Variants in LARP1B observed in about 807,000 individuals in gnomAD.
LARP1B encodes la-related protein 1B.
A neutral mutation model predicts 114.2 loss-of-function variants in LARP1B; 76 were observed. The ratio of observed to expected loss-of-function variants is 0.67; its 90% CI spans 0.55 to 0.81. The LOEUF (loss-of-function observed/expected upper bound fraction) is 0.81. Ranked by LOEUF, LARP1B falls within the 30% of genes least tolerant of loss-of-function variation. LARP1B has a pLI of 0.00. For synonymous variants in LARP1B, 345 were observed against 348.0 expected (o/e 0.99, Z 0.10); for missense variants, 1,014 against 1,075.8 (o/e 0.94, Z 0.80).
chr4:128,156,264 C>T, intron 11 of LARP1B: 2 of 1,101,274 alleles, frequency 1.8e-6, no homozygotes, highest in East Asian at 2.4e-5. Flanking sequence ...CCCCTTCCCC[C>T]ACCAGTCCAG....
intron 6 of LARP1B, chr4:128,220,316 C>T (rs1379192985): frequency 7.1e-6 from 6 of 842,006 alleles, no homozygotes; most frequent in Non-Finnish European, 8.6e-6. Flanking sequence ...AATTTCTTGG[C>T]TTTTATGTAA....
At chr4:128,209,172 A>G (rs1318799896) in intron 19 of LARP1B, among the ~76,000 whole-genome samples, 1 of 152,184 alleles carries the variant, frequency 6.6e-6, no homozygotes, top group East Asian at 1.9e-4. Context: ...TAATCTCAGC[A>G]CTTTGGGAGG....
At chr4:128,096,133 A>G (rs1052850502) in intron 7 of LARP1B, among the ~76,000 whole-genome samples, 2 of 151,724 alleles carry the variant, frequency 1.3e-5, no homozygotes, top group South Asian at 4.1e-4. Flanking sequence ...AGCTGGCACT[A>G]CAGGCGCCCG....
intron 8 of LARP1B, among the ~76,000 whole-genome samples, chr4:128,100,088 T>A (rs1452592295): frequency 1.3e-5 from 2 of 151,550 alleles, no homozygotes; most frequent in Non-Finnish European, 2.9e-5. Context: ...GCCTCCCAAG[T>A]ATCTGGGATT....
At chr4:128,132,355 C>T (rs1052595245) in intron 11 of LARP1B, among the ~76,000 whole-genome samples, 5 of 152,186 alleles carry the variant, frequency 3.3e-5, no homozygotes, top group Non-Finnish European at 7.4e-5. Flanking sequence ...AGTGATTCTC[C>T]TGCCTCAGCC....
At chr4:128,102,705 G>C (rs1395526962) in intron 8 of LARP1B, among the ~76,000 whole-genome samples, 1 of 151,968 alleles carries the variant, frequency 6.6e-6, no homozygotes, top group Non-Finnish European at 1.5e-5. Context: ...ATTTGTTAGA[G>C]CAAATTGATC....
chr4:128,212,165 G>A (rs934854775), downstream of LARP1B, among the ~76,000 whole-genome samples: 7 of 151,720 alleles, frequency 4.6e-5, no homozygotes, highest in Non-Finnish European at 8.8e-5. Context: ...CACCTTCCTC[G>A]GCCTCCTAAA....
chr4:128,100,151 G>A (rs1176856548), intron 8 of LARP1B, among the ~76,000 whole-genome samples: 2 of 151,786 alleles, frequency 1.3e-5, no homozygotes, highest in South Asian at 2.1e-4. Flanking sequence ...TAATAGAGAC[G>A]AGATTTCACC....
At chr4:128,221,110 T>C (rs911099163) in intron 7 of LARP1B, among the ~76,000 whole-genome samples, 1 of 152,174 alleles carries the variant, frequency 6.6e-6, no homozygotes, top group African/African-American at 2.4e-5. Context: ...TCTGCAGTAA[T>C]GGAGGGTCTA....
chr4:128,212,201 C>T (rs147880647), downstream of LARP1B, among the ~76,000 whole-genome samples: 32 of 152,150 alleles, frequency 2.1e-4, no homozygotes, highest in East Asian at 6.0e-3. Context: ...GCATGATGAG[C>T]CACCGTGCCT....
At chr4:128,069,705 T>C (rs1449115567) in intron 1 of LARP1B, 4 of 357,554 alleles carry the variant, frequency 1.1e-5, no homozygotes, top group African/African-American at 2.1e-5. Flanking sequence ...TACTTGTATT[T>C]ATGGTTGTTT....
At chr4:128,189,084 G>A (rs1006372270) in intron 15 of LARP1B, among the ~76,000 whole-genome samples, 5 of 152,064 alleles carry the variant, frequency 3.3e-5, no homozygotes, top group African/African-American at 1.2e-4. Context: ...ATTATTGAGA[G>A]ATGGGTGTTG....
At chr4:128,086,234 T>C (rs927798371) in intron 5 of LARP1B, among the ~76,000 whole-genome samples, 1 of 152,138 alleles carries the variant, frequency 6.6e-6, no homozygotes, top group Non-Finnish European at 1.5e-5. Context: ...CTTGATCTCC[T>C]GACCTCATGA....
intron 4 of LARP1B, among the ~76,000 whole-genome samples, chr4:128,080,599 G>A (rs1210764700): frequency 6.6e-6 from 1 of 152,160 alleles, no homozygotes; most frequent in Non-Finnish European, 1.5e-5. Flanking sequence ...ATTGCCATGA[G>A]TCTTTATTTT....
At position 128,206,492 on chromosome 4, in the gene LARP1B, A is replaced by G. The variant is rs200140211; in HGVS notation, c.2374A>G (p.Ile792Val). ...YGLEKKFRREIFQDFQEETKK... is the reference protein window; with the variant it reads ...YGLEKKFRREVFQDFQEETKK... ...ACTGGAAAAAAAATTCAGGCGAGAA[A>G]TTTTTCAGGATTTCCAAGAAGAAAC... The change falls in exon 18 of 20, where the codon ATT (isoleucine) becomes GTT (valine). Residue 792 changes from isoleucine (I) to valine (V), a missense_variant. Ile to Val is a conservative substitution (Grantham distance 29, BLOSUM62 3). Transcript: ENST00000326639. 9.5e-5 allele frequency: 154 copies of G among 1,613,382 alleles called. No homozygotes were observed. Among genetic ancestry groups the G allele is most frequent in the Non-Finnish European group, 2.2e-5 (26 of 1,179,846 alleles).
At chr4:128,112,047 C>G (rs1176306865) in intron 9 of LARP1B, among the ~76,000 whole-genome samples, 1 of 151,878 alleles carries the variant, frequency 6.6e-6, no homozygotes, top group African/African-American at 2.4e-5. Flanking sequence ...AAAAAGTGTT[C>G]TCTGGAGTTA....
At chr4:128,097,024 G>T (rs1288942964) in intron 7 of LARP1B, among the ~76,000 whole-genome samples, 1 of 152,062 alleles carries the variant, frequency 6.6e-6, no homozygotes, top group Non-Finnish European at 1.5e-5. Context: ...TCAGCTTCCC[G>T]AGTAGCTGGG....
intron 5 of LARP1B, among the ~76,000 whole-genome samples, chr4:128,090,731 A>C (rs1363995808): frequency 6.6e-6 from 1 of 152,222 alleles, no homozygotes; most frequent in Non-Finnish European, 1.5e-5. Context: ...CACAATCTTA[A>C]TAAAACTATC....
chr4:128,214,230 G>T (rs1375227170), downstream of LARP1B, among the ~76,000 whole-genome samples: 1 of 145,842 alleles, frequency 6.9e-6, no homozygotes, highest in Non-Finnish European at 1.5e-5. Context: ...TGGTGGAGGG[G>T]CGCCCGCCAT....
Sources: allele counts gnomAD v4.1 joint callset (sites outside exome capture counted in the v4.1 genomes callset), GRCh38; gene constraint gnomAD v4.1.1; transcripts MANE v1.5; gene names NCBI Gene and HGNC (gene_info 2026-07-23, HGNC 2026-07-21).